The following BMP2K variants were observed in gnomAD, a reference collection of about 807,000 sequenced individuals.
BMP2K encodes the protein BMP2 inducible kinase, also known as BMP-2-inducible protein kinase.
A neutral mutation model predicts 116.0 loss-of-function variants in BMP2K; 74 were observed. The observed-to-expected ratio is 0.64, with a 90% CI of 0.53 to 0.77. The LOEUF is 0.77. BMP2K is among the 30% of genes least tolerant of loss of function. The pLI is 0.00. For missense variants in BMP2K, 1,365 were observed against 1,403.6 expected (o/e 0.97, Z 0.44); for synonymous variants, 486 against 502.5 (o/e 0.97, Z 0.44).
intron 15 of BMP2K, among the ~76,000 whole-genome samples, chr4:78,900,463 T>G (rs921766519): frequency 2.6e-5 from 4 of 152,178 alleles, no homozygotes; most frequent in Admixed American, 2.0e-4. Flanking sequence ...TCTGGAGAGA[T>G]AAAGTCAGTA....
chr4:78,905,824 A>T (rs577028387), intron 15 of BMP2K, among the ~76,000 whole-genome samples: 6 of 151,770 alleles, frequency 4.0e-5, no homozygotes, highest in Middle Eastern at 6.8e-3. Context: ...TTTTTTTTTT[A>T]AATTATAGGA....
intron 1 of BMP2K, among the ~76,000 whole-genome samples, chr4:78,819,682 C>T (rs1001881446): frequency 4.6e-5 from 7 of 152,068 alleles, no homozygotes; most frequent in East Asian, 1.9e-4. Context: ...TGTCTGACTC[C>T]GAAAGCCTTG....
At chr4:78,861,613 G>A (rs2110046631) in intron 9 of BMP2K, 145 bp downstream of exon 9, 1 of 675,840 alleles carries the variant, frequency 1.5e-6, no homozygotes. Flanking sequence ...AATTGAGATA[G>A]CAAATACAAA....
intron 1 of BMP2K, among the ~76,000 whole-genome samples, chr4:78,800,150 A>G (rs1728498687): frequency 6.6e-6 from 1 of 152,182 alleles, no homozygotes; most frequent in South Asian, 2.1e-4. Flanking sequence ...GAATGTATAA[A>G]TATGTATCTG....
rs75847555 is a variant in BMP2K at position 78,816,591 on chromosome 4, A to G, written c.179-9446A>G. ...CTACTTTTATTTGACTTCTTCCAAG[A>G]TGGATTTTCAGTTCTTTGTAAATAA... On this transcript the variant is annotated intron_variant, in intron 1 of 15. Coordinates refer to ENST00000502613, the MANE Select transcript of BMP2K (RefSeq NM_198892.2). Among the ~76,000 whole-genome samples, 855 of 152,314 alleles carry G rather than the reference A, an allele frequency of 5.6e-3. 11 individuals are homozygous for G. Among genetic ancestry groups the G allele is most frequent in the African/African-American group, 0.019 (807 of 41,572 alleles).
intron 3 of BMP2K, 140 bp from the exon 4 acceptor site, chr4:78,842,242 TATG>T: frequency 5.1e-6 from 3 of 584,914 alleles, no homozygotes; most frequent in Non-Finnish European, 8.6e-6. Flanking sequence ...ATTAATACAG[TATG>T]ATGTAATAAG....
intron 7 of BMP2K, among the ~76,000 whole-genome samples, chr4:78,853,311 C>T (rs1471011220): frequency 6.6e-6 from 1 of 152,082 alleles, no homozygotes; most frequent in Non-Finnish European, 1.5e-5. Flanking sequence ...AGGGTAGTTA[C>T]CATTATTTAC....
intron 3 of BMP2K, among the ~76,000 whole-genome samples, chr4:78,834,072 A>G (rs1730338637): frequency 6.6e-6 from 1 of 151,814 alleles, no homozygotes; most frequent in Non-Finnish European, 1.5e-5. Flanking sequence ...AAATTTAACA[A>G]ATTTGGAGGA....
chr4:78,801,847 T>C (rs1728583701), intron 1 of BMP2K, among the ~76,000 whole-genome samples: 1 of 152,178 alleles, frequency 6.6e-6, no homozygotes, highest in Admixed American at 6.5e-5. Flanking sequence ...TTGTTTGTGA[T>C]TTTACATCTA....
At chr4:78,779,110 T>A (rs1315920139) in intron 1 of BMP2K, among the ~76,000 whole-genome samples, 1 of 152,208 alleles carries the variant, frequency 6.6e-6, no homozygotes, top group Admixed American at 6.5e-5. Context: ...ATATAATTAG[T>A]TATGTTGCAA....
In BMP2K at chr4:78,829,797, C is replaced by CTT. The variant is rs1259504636; in HGVS notation, c.297+3643_297+3644dup. Among the ~76,000 whole-genome samples the CTT allele has an allele frequency of 1.9e-3, 143 of 74,788 alleles. 4 individuals carry two copies. The highest frequency in any genetic ancestry group is 0.014 in the South Asian group (28 of 1,950). 49.1% of individuals were successfully genotyped at this position (74,788 alleles called of 152,430 possible). On this transcript the variant is annotated intron_variant, in intron 2 of 15. Transcript: ENST00000502613. Reference sequence around the variant, plus strand: ...TTTCTTTTCTTTTCTTTTCTCTTCTCTTCTCTTCTCTTCTCTTCTCTTCTC... The same window carrying CTT: ...TTTCTTTTCTTTTCTTTTCTCTTCTCTTTTCTCTTCTCTTCTCTTCTCTTCTC...
chr4:78,848,900 A>T (rs1577923770), intron 6 of BMP2K, among the ~76,000 whole-genome samples: 1 of 146,886 alleles, frequency 6.8e-6, no homozygotes, highest in South Asian at 2.1e-4. Context: ...ATGCTGTCTT[A>T]CTTAGCTCAG....
intron 14 of BMP2K, among the ~76,000 whole-genome samples, chr4:78,884,686 G>A (rs1732999515): frequency 6.6e-6 from 1 of 152,148 alleles, no homozygotes; most frequent in Non-Finnish European, 1.5e-5. Flanking sequence ...AAGAGTGGGG[G>A]AGTCCAGGTG....
intron 5 of BMP2K, 60 bp from the exon 6 acceptor site, chr4:78,847,128 T>C (rs1731040110): frequency 1.1e-6 from 1 of 950,694 alleles, no homozygotes; most frequent in African/African-American, 1.7e-5. Flanking sequence ...CAATGTATTA[T>C]CTGTCTTTTT....
rs138776335 is a variant in BMP2K at position 78,780,900 on chromosome 4, G to C, written c.178+4179G>C. ...TTTATGAGAGAATTCAGTTTAGACT[G>C]GGGGGTCAAGGAAGGCCTTTTTGAT... On this transcript the variant is annotated intron_variant, in intron 1 of 15. Coordinates refer to ENST00000502613, the MANE Select transcript of BMP2K (RefSeq NM_198892.2). Among the ~76,000 whole-genome samples the C allele has an allele frequency of 5.8e-3, 876 of 152,242 alleles. 12 individuals carry two copies. Among genetic ancestry groups the C allele is most frequent in the African/African-American group, 0.02 (832 of 41,542 alleles).
chr4:78,851,236 A>C (rs1163980772), intron 7 of BMP2K, among the ~76,000 whole-genome samples, 180 bp downstream of exon 7: 1 of 152,062 alleles, frequency 6.6e-6, no homozygotes, highest in East Asian at 1.9e-4. Context: ...AAGCAACCTA[A>C]TTATTGATTA....
At position 78,883,570 on chromosome 4, in the gene BMP2K, C is replaced by A. The variant is rs72862524; in HGVS notation, c.1952-3604C>A. Among the ~76,000 whole-genome samples the A allele has an allele frequency of 9.8e-3, 1,491 of 152,210 alleles. 25 individuals are homozygous for A. Among genetic ancestry groups the A allele is most frequent in the African/African-American group, 0.032 (1,335 of 41,536 alleles). ...TCTTCCATATTTTTACTTATAGGGA[C>A]CCCTACATAAAAATAAGTTCCCCTC... On this transcript the variant is annotated intron_variant, in intron 14 of 15. Transcript: ENST00000502613.
Position 78,910,736 on chromosome 4 carries a change from A to G in BMP2K, c.2189A>G (p.Gln730Arg), listed in dbSNP as rs1320980537. The G allele has an allele frequency of 4.3e-6, 7 of 1,613,818 alleles. No homozygotes were observed. The highest frequency in any genetic ancestry group is 5.9e-6 in the Non-Finnish European group (7 of 1,179,870). Reference protein sequence around the residue: ...DQRTGKKTSVQGQVQKGNDES... With the variant: ...DQRTGKKTSVRGQVQKGNDES... ...CGGACTGGAAAGAAAACCTCAGTAC[A>G]GGGTCAAGTGCAAAAGGGGAATGAT... is the stretch of plus-strand genomic sequence containing the variant. The change falls in exon 16 of 16, where the codon CAG (glutamine) becomes CGG (arginine). Residue 730 changes from glutamine (Q) to arginine (R), a missense_variant. By Grantham distance (43) the Gln-to-Arg change is conservative (BLOSUM62 1). Around this residue, in one of 3 missense-constraint regions of BMP2K, gnomAD observed 596 missense variants for 623.2 expected, o/e 0.96. Coordinates refer to ENST00000502613, the MANE Select transcript of BMP2K (RefSeq NM_198892.2).
At chr4:78,862,346 T>G (rs1334264805) in intron 9 of BMP2K, among the ~76,000 whole-genome samples, 1 of 152,004 alleles carries the variant, frequency 6.6e-6, no homozygotes, top group Non-Finnish European at 1.5e-5. Context: ...GGGGAAAGAC[T>G]GGGAACAGAG....
Sources: allele counts gnomAD v4.1 joint callset (sites outside exome capture counted in the v4.1 genomes callset), GRCh38; gene constraint gnomAD v4.1.1; regional missense constraint gnomAD v4.1.1; transcripts MANE v1.5; gene names NCBI Gene and HGNC (gene_info 2026-07-23, HGNC 2026-07-21).